The following NACA variants were observed in gnomAD, a reference collection of about 807,000 sequenced individuals.
NACA encodes nascent polypeptide associated complex subunit alpha, also known as nascent polypeptide-associated complex subunit alpha.
A neutral mutation model predicts 86.4 loss-of-function variants in NACA; 42 were observed. That is an observed-to-expected ratio of 0.49 (90% CI 0.38 to 0.63). The LOEUF (loss-of-function observed/expected upper bound fraction) is 0.63, where lower values mean the gene tolerates loss of function less well. Among genes scored for constraint, NACA ranks in the 20% least tolerant of loss-of-function variants. The pLI, the probability that NACA is intolerant of heterozygous loss-of-function variation, is 0.00. For synonymous variants in NACA, 898 were observed against 973.7 expected, an observed-to-expected ratio of 0.92 and a Z score of 1.45; for missense variants, 2,157 against 2,483.6, an observed-to-expected ratio of 0.87 and a Z score of 2.80.
In NACA at chr12:56,719,901, A is replaced by G. The variant is rs746128868; in HGVS notation, c.1629T>C (p.Pro543=). The G allele has an allele frequency of 6.2e-7, 1 of 1,613,790 alleles. No homozygotes were observed. Among genetic ancestry groups the G allele is most frequent in the Non-Finnish European group, 8.5e-7 (1 of 1,179,804 alleles). ...QTVPASLEGA[P]FSPAQAGLTT... Reference sequence around the variant, plus strand: ...TGAGTCCTGCTTGGGCTGGAGAGAAAGGGGCTCCTTCAAGAGAGGCAGGTA... The same window carrying G: ...TGAGTCCTGCTTGGGCTGGAGAGAAGGGGGCTCCTTCAAGAGAGGCAGGTA... The change falls in exon 3 of 9, where the codon CCT becomes CCC. Residue 543 remains proline, a synonymous_variant. Transcript: ENST00000454682.
chr12:56,717,267 G>A lies in NACA; in HGVS notation c.4263C>T (p.Thr1421=), dbSNP rs1953399659. Residue 1421 remains threonine, a synonymous_variant, in exon 3 of 9, where the codon ACC becomes ACT. Coordinates refer to ENST00000454682, the MANE Select transcript of NACA (RefSeq NM_001365896.1). Reference sequence around the variant, plus strand: ...TGGATGGGGTGGCTGCGCCTTCTCTGGTGACTGGAGTTGCTGGAGCCTTTT... The same window carrying A: ...TGGATGGGGTGGCTGCGCCTTCTCTAGTGACTGGAGTTGCTGGAGCCTTTT... ...SPKKAPATPV[T]REGAATPSKG... 3.0e-6 allele frequency: 4 copies of A among 1,338,048 alleles called. No individual in the cohort carries two copies. Among genetic ancestry groups the A allele is most frequent in the Non-Finnish European group, 2.9e-6 (3 of 1,022,092 alleles). 82.9% of individuals were successfully genotyped at this position (1,338,048 alleles called of 1,614,324 possible).
chr12:56,720,681 A>G lies in NACA; in HGVS notation c.849T>C (p.Leu283=), dbSNP rs760068751. The stretch of plus-strand genomic sequence containing the variant: ...TCTTTTGAGAAGAGGTCACCACAGG[A>G]AGAGACTGAGTTGAAAGAGATAAGG... ...PAALSLSTQS[L]PVVTSSQKTA... Residue 283 remains leucine (L), a synonymous_variant, in exon 3 of 9, where the codon CTT becomes CTC. Transcript: ENST00000454682. 4.3e-6 allele frequency: 7 copies of G among 1,613,924 alleles called. No individual in the cohort carries two copies. Among genetic ancestry groups the G allele is most frequent in the Non-Finnish European group, 5.1e-6 (6 of 1,179,886 alleles).
rs1389876451 is a variant in NACA, at chr12:56,719,792, G to A, written c.1738C>T (p.Pro580Ser). The change falls in exon 3 of 9, where the codon CCA becomes TCA. Residue 580 changes from proline to serine, a missense_variant. Pro to Ser is a moderately conservative substitution (Grantham distance 74). Transcript: ENST00000454682. ...SPSFQSTSSSPEIPLSPEATL... is the reference protein window; with the variant it reads ...SPSFQSTSSSSEIPLSPEATL... ...GCTTCAGGAGAAAGAGGTATCTCTGGAGAAGAGGATGTACTTTGGAAAGAA... is the reference window on the plus strand; with the variant it reads ...GCTTCAGGAGAAAGAGGTATCTCTGAAGAAGAGGATGTACTTTGGAAAGAA... The A allele has an allele frequency of 6.2e-7, 1 of 1,613,856 alleles. No homozygotes were observed. The highest frequency in any genetic ancestry group is 1.7e-5 in the Admixed American group (1 of 60,002).
intron 2 of NACA, 147 bp downstream of exon 2, chr12:56,724,305 C>T: frequency 1.4e-6 from 1 of 691,036 alleles, no homozygotes; most frequent in Non-Finnish European, 2.3e-6. Context: ...AAAGAAGTAT[C>T]TCCAGGATAG....
At chr12:56,713,877 T>C in intron 5 of NACA, 194 bp from the exon 6 acceptor site, 2 of 586,382 alleles carry the variant, frequency 3.4e-6, no homozygotes, top group Non-Finnish European at 5.9e-6. Context: ...GGTCTTGCTC[T>C]GTCGCCCAGG....
rs1446267303 is a variant in NACA at position 56,720,865 on chromosome 12, G to A, written c.665C>T (p.Ser222Phe). Reference protein sequence around the residue: ...VPYHCVTPMASIQSGVASLPQ... With the variant: ...VPYHCVTPMAFIQSGVASLPQ... The stretch of plus-strand genomic sequence containing the variant: ...AAGGGAGGCCACTCCAGATTGAATA[G>A]AGGCCATGGGAGTCACACAGTGGTA... The change falls in exon 3 of 9, where the codon TCT (serine) becomes TTT (phenylalanine). Residue 222 changes from serine to phenylalanine, a missense_variant. Transcript: ENST00000454682. 6 of 1,614,002 alleles carry A rather than the reference G, an allele frequency of 3.7e-6. No homozygotes were observed. The highest frequency in any genetic ancestry group is 4.2e-6 in the Non-Finnish European group (5 of 1,179,888).
chr12:56,720,003 C>T lies in NACA; in HGVS notation c.1527G>A (p.Leu509=). ...TTLRIPVSPP[L]PDPEDLKNLP... ...GATTTTTGAGGTCTTCAGGGTCTGG[C>T]AGAGGAGGAGAGACTGGTATCCTCA... The change falls in exon 3 of 9, where the codon CTG becomes CTA. Residue 509 remains leucine (L), a synonymous_variant. Coordinates refer to ENST00000454682, the MANE Select transcript of NACA (RefSeq NM_001365896.1). 2 of 1,613,690 alleles carry T rather than the reference C, an allele frequency of 1.2e-6. No homozygotes were observed. The highest frequency in any genetic ancestry group is 2.2e-5 in the South Asian group (2 of 91,040).
At position 56,715,994 on chromosome 12, in the gene NACA, G is replaced by T. The variant is rs1490813708; in HGVS notation, c.5536C>A (p.Pro1846Thr). 3.1e-6 allele frequency: 5 copies of T among 1,590,428 alleles called. No individual in the cohort carries two copies. Among genetic ancestry groups the T allele is most frequent in the Non-Finnish European group, 4.3e-6 (5 of 1,166,738 alleles). The change falls in exon 3 of 9, where the codon CCG (proline) becomes ACG (threonine). Residue 1846 changes from proline to threonine, a missense_variant. Physicochemically the swap from Pro to Thr is conservative, Grantham distance 38. Coordinates refer to ENST00000454682, the MANE Select transcript of NACA (RefSeq NM_001365896.1). ...DEDELLPLIP[P>T]EPISGGVPFQ... is the part of the protein sequence containing the mutation. ...GGCACTCCCCCAGAGATTGGTTCCGGGGGAATCAGAGGCAGCAGCTCATCC... is the reference window on the plus strand; with the variant it reads ...GGCACTCCCCCAGAGATTGGTTCCGTGGGAATCAGAGGCAGCAGCTCATCC...
rs1411367603 is a variant in NACA, at chr12:56,720,947, C to G, written c.583G>C (p.Val195Leu). 6.2e-7 allele frequency: 1 copy of G among 1,613,956 alleles called. No individual in the cohort carries two copies. The highest frequency in any genetic ancestry group is 8.5e-7 in the Non-Finnish European group (1 of 1,179,880). The change falls in exon 3 of 9, where the codon GTA becomes CTA. Residue 195 changes from valine to leucine, a missense_variant. Val to Leu is a conservative substitution (Grantham distance 32, BLOSUM62 1). Around this residue, in one of 8 missense-constraint regions of NACA, gnomAD observed 947 missense variants for 917.9 expected, o/e 1.03. Transcript: ENST00000454682. ...KTNLNKVPSEVVPNPKGTPSP... is the reference protein window; with the variant it reads ...KTNLNKVPSELVPNPKGTPSP... ...GGGGTGCCTTTTGGATTAGGGACTA[C>G]CTCAGAGGGAACTTTATTAAGATTA...
chr12:56,721,126 G>A lies in NACA; in HGVS notation c.404C>T (p.Ala135Val). 2 of 1,613,878 alleles carry A rather than the reference G, an allele frequency of 1.2e-6. No homozygotes were observed. The highest frequency in any genetic ancestry group is 1.7e-6 in the Non-Finnish European group (2 of 1,179,836). Residue 135 changes from alanine (A) to valine (V), a missense_variant, in exon 3 of 9, where the codon GCT (alanine) becomes GTT (valine). Transcript: ENST00000454682. ...AGCCAGGGCAACCAGAGCTAAGGGA[G>A]CTGAAGAGGAAGGGGTCCCTTTCAG... ...PTLKGTPSSSAPLALVALAPH... is the reference protein window; with the variant it reads ...PTLKGTPSSSVPLALVALAPH...
chr12:56,716,419 G>A lies in NACA; in HGVS notation c.5111C>T (p.Pro1704Leu). Residue 1704 changes from proline (P) to leucine (L), a missense_variant, in exon 3 of 9, where the codon CCA becomes CTA. Around this residue, in one of 8 missense-constraint regions of NACA, gnomAD observed 797 missense variants for 777.6 expected, o/e 1.02. Transcript: ENST00000454682. ...AGTAGCAGAACTCTTTTTGGTCTGT[G>A]GACCTTTCCGAGTGGGAGCTGTGAT... is the stretch of plus-strand genomic sequence containing the variant. ...PIITAPTRKG[P>L]QTKKSSATSP... The A allele has an allele frequency of 3.1e-6, 5 of 1,595,952 alleles. No homozygotes were observed. Among genetic ancestry groups the A allele is most frequent in the Non-Finnish European group, 3.4e-6 (4 of 1,168,858 alleles).
In NACA at chr12:56,718,893, T is replaced by C; in HGVS notation, c.2637A>G (p.Thr879=). ...AVTPLSPKGV[T]LPPKETPTPS... The stretch of plus-strand genomic sequence containing the variant: ...GAGTGGGGGTCTCTTTGGGGGGTAG[T>C]GTTACTCCTTTGGGAGACAGAGGAG... Residue 879 remains threonine (T), a synonymous_variant, in exon 3 of 9, where the codon ACA becomes ACG. Coordinates refer to ENST00000454682, the MANE Select transcript of NACA (RefSeq NM_001365896.1). 7.0e-7 allele frequency: 1 copy of C among 1,429,060 alleles called. No homozygotes were observed. The allele number at this position is 1,429,060 out of a possible 1,614,324, so 88.5% of individuals were successfully genotyped here. A position where few individuals can be genotyped will look rare whatever the true frequency, so the allele number is the denominator to read the frequency against.
At chr12:56,715,783 C>T (rs1953337103) in intron 3 of NACA, 88 bp downstream of exon 3, 14 of 1,156,848 alleles carry the variant, frequency 1.2e-5, no homozygotes, top group East Asian at 2.4e-5. Flanking sequence ...GAGAAAGCGG[C>T]GCATCACAGG....
Position 56,712,832 on chromosome 12 carries a change from A to G in NACA, c.6176T>C (p.Val2059Ala). 1 of 1,614,198 alleles carries G rather than the reference A, an allele frequency of 6.2e-7. No individual in the cohort carries two copies. Among genetic ancestry groups the G allele is most frequent in the South Asian group, 1.1e-5 (1 of 91,084 alleles). ...SQANVSRAKAVRALKNNSNDI... is the reference protein window; with the variant it reads ...SQANVSRAKAARALKNNSNDI... ...ATTACTGTTGTTCTTCAGGGCTCGG[A>G]CTGCCTTTGCTCTCGACACATTTGC... Residue 2059 changes from valine (V) to alanine (A), a missense_variant, in exon 8 of 9, where the codon GTC (valine) becomes GCC (alanine). Coordinates refer to ENST00000454682, the MANE Select transcript of NACA (RefSeq NM_001365896.1).
intron 2 of NACA, among the ~76,000 whole-genome samples, chr12:56,723,583 G>C (rs574710963): frequency 6.6e-6 from 1 of 151,920 alleles, no homozygotes; most frequent in Non-Finnish European, 1.5e-5. Context: ...AAACAGGTGG[G>C]AAGAAACTTT....
Position 56,713,701 on chromosome 12 carries a change from G to C in NACA, c.5824-18C>G. ...GACATAGCCTAAAGAAGAGAAAATA[G>C]TATCAGGTTTTCAACCTCTTTAGAA... On this transcript the variant is annotated intron_variant, in intron 5 of 8. Transcript: ENST00000454682. 1.2e-6 allele frequency: 2 copies of C among 1,612,392 alleles called. No individual in the cohort carries two copies. Among genetic ancestry groups the C allele is most frequent in the Non-Finnish European group, 1.7e-6 (2 of 1,179,174 alleles).
rs533140819 is a variant in NACA at position 56,723,698 on chromosome 12, A to T, written c.70+754T>A. On this transcript the variant is annotated intron_variant, in intron 2 of 8. Transcript: ENST00000454682. ...AAAAACCAAAAAGGTGAGAATGAAAATTACAGCCTGAAGATTTCCTTCATT... is the reference window on the plus strand; with the variant it reads ...AAAAACCAAAAAGGTGAGAATGAAATTTACAGCCTGAAGATTTCCTTCATT... Among the ~76,000 whole-genome samples the T allele has an allele frequency of 3.7e-4, 56 of 152,334 alleles. 1 individual carries two copies. The highest frequency in any genetic ancestry group is 3.4e-3 in the Middle Eastern group (1 of 294).
chr12:56,722,983 G>A (rs1482294447), intron 2 of NACA, among the ~76,000 whole-genome samples: 2 of 152,204 alleles, frequency 1.3e-5, no homozygotes, highest in African/African-American at 4.8e-5. Context: ...CCATGGAAAA[G>A]ACAAGGTGGC....
In NACA at chr12:56,718,458, T is replaced by TGG; in HGVS notation, c.3071_3072insCC (p.Ala1025GlnfsTer94). The TGG allele has an allele frequency of 8.2e-7, 1 of 1,216,274 alleles. No homozygotes were observed. Among genetic ancestry groups the TGG allele is most frequent in the South Asian group, 1.7e-5 (1 of 59,090 alleles). The allele number at this position is 1,216,274 out of a possible 1,614,324, so 75.3% of individuals were successfully genotyped here. ...ATGCCCCTTTGGGGAATGGGGTAGC[T>TGG]GCTGGACTTCCTTTGGGGGAGGGAG... On this transcript the variant is annotated frameshift_variant, in exon 3 of 9. Transcript: ENST00000454682. LOFTEE classifies it high-confidence loss of function.
Sources: allele counts gnomAD v4.1 joint callset (sites outside exome capture counted in the v4.1 genomes callset), GRCh38; gene constraint gnomAD v4.1.1; regional missense constraint gnomAD v4.1.1; transcripts MANE v1.5; gene names NCBI Gene and HGNC (gene_info 2026-07-23, HGNC 2026-07-21).